Variants in FASLG observed in about 807,000 individuals in gnomAD.
FASLG encodes tumor necrosis factor ligand superfamily member 6.
A neutral mutation model predicts 24.6 loss-of-function variants in FASLG; 9 were observed. The ratio of observed to expected loss-of-function variants is 0.37; its 90% CI spans 0.22 to 0.64. The LOEUF (loss-of-function observed/expected upper bound fraction) is 0.64. Ranked by LOEUF, FASLG falls within the 30% of genes least tolerant of loss-of-function variation. The pLI, the probability that FASLG is intolerant of heterozygous loss-of-function variation, is 0.64. For missense variants in FASLG, 306 were observed against 345.3 expected (o/e 0.89, Z 0.90); for synonymous variants, 130 against 135.5 (o/e 0.96, Z 0.28).
rs147380045 is a variant in FASLG at position 172,659,354 on chromosome 1, G to A, written c.153G>A (p.Pro51=). ...GGAGGCCACCACCACCACCGCCACCGCCACCACTACCACCTCCGCCGCCGC... is the reference window on the plus strand; with the variant it reads ...GGAGGCCACCACCACCACCGCCACCACCACCACTACCACCTCCGCCGCCGC... ...GQRRPPPPPP[P]PPLPPPPPPP... Residue 51 remains proline, a synonymous_variant, in exon 1 of 4, where the codon CCG becomes CCA. Transcript: ENST00000367721. The A allele has an allele frequency of 1.3e-4, 207 of 1,610,636 alleles. 1 individual carries two copies. Among genetic ancestry groups the A allele is most frequent in the Non-Finnish European group, 1.6e-4 (188 of 1,178,506 alleles).
chr1:172,659,249 C>G lies in FASLG; in HGVS notation c.48C>G (p.Asp16Glu). Residue 16 changes from aspartate (D) to glutamate (E), a missense_variant, in exon 1 of 4, where the codon GAC (aspartate) becomes GAG (glutamate). Asp to Glu is a conservative substitution (Grantham distance 45). Coordinates refer to ENST00000367721, the MANE Select transcript of FASLG (RefSeq NM_000639.3). Reference sequence around the variant, plus strand: ...CATATCCCCAGATCTACTGGGTGGACAGCAGTGCCAGCTCTCCCTGGGCCC... The same window carrying G: ...CATATCCCCAGATCTACTGGGTGGAGAGCAGTGCCAGCTCTCCCTGGGCCC... ...NYPYPQIYWV[D>E]SSASSPWAPP... 2 of 1,614,184 alleles carry G rather than the reference C, an allele frequency of 1.2e-6. No homozygotes were observed. Among genetic ancestry groups the G allele is most frequent in the South Asian group, 1.1e-5 (1 of 91,070 alleles).
intron 2 of FASLG, among the ~76,000 whole-genome samples, chr1:172,661,767 T>TA (rs978968396): frequency 2.5e-4 from 38 of 151,326 alleles, no homozygotes; most frequent in South Asian, 1.7e-3. Flanking sequence ...TAATAAAGAT[T>TA]AAAAAAAAAC....
chr1:172,664,805 G>A (rs1659222907), intron 3 of FASLG, among the ~76,000 whole-genome samples: 2 of 152,230 alleles, frequency 1.3e-5, no homozygotes, highest in Non-Finnish European at 1.5e-5. Context: ...ATAGGAGTGA[G>A]AAGGGAGACT....
In FASLG at chr1:172,666,016, A is replaced by C; in HGVS notation, c.846A>C (p.Ter282TyrextTer23). 6.2e-7 allele frequency: 1 copy of C among 1,614,130 alleles called. No homozygotes were observed. Among genetic ancestry groups the C allele is most frequent in the Non-Finnish European group, 8.5e-7 (1 of 1,180,034 alleles). ...SQTFFGLYKL[*>Y] is the part of the protein sequence containing the mutation. Reference sequence around the variant, plus strand: ...CGTTTTTCGGCTTATATAAGCTCTAAGAGAAGCACTTTGGGATTCTTTCCA... The same window carrying C: ...CGTTTTTCGGCTTATATAAGCTCTACGAGAAGCACTTTGGGATTCTTTCCA... The change falls in exon 4 of 4, where the codon TAA (stop) becomes TAC (tyrosine). Residue 282 changes from the stop codon to tyrosine, a stop_lost. Coordinates refer to ENST00000367721, the MANE Select transcript of FASLG (RefSeq NM_000639.3).
At chr1:172,661,902 A>G (rs963838950) in intron 2 of FASLG, among the ~76,000 whole-genome samples, 2 of 152,186 alleles carry the variant, frequency 1.3e-5, no homozygotes, top group Non-Finnish European at 2.9e-5. Flanking sequence ...GCTTGTAACT[A>G]GTAGTTTACG....
At chr1:172,665,545 A>T (rs1659239502) in intron 3 of FASLG, 77 bp from the exon 4 acceptor site, 1 of 1,549,412 alleles carries the variant, frequency 6.5e-7, no homozygotes. Flanking sequence ...GGAAGGGCCC[A>T]CAGTTTTGCC....
intron 2 of FASLG, among the ~76,000 whole-genome samples, chr1:172,663,593 T>C (rs1035004780): frequency 3.3e-5 from 5 of 152,046 alleles, no homozygotes; most frequent in Non-Finnish European, 7.4e-5. Flanking sequence ...GCCACAGAAC[T>C]CCCGTTGTGT....
rs372615226 is a variant in FASLG, at chr1:172,660,106, G to C, written c.360G>C (p.Gln120His). 3.9e-5 allele frequency: 63 copies of C among 1,614,136 alleles called. No individual in the cohort carries two copies. The African/African-American group carries it at 7.2e-4, about 18-fold the overall frequency. The stretch of plus-strand genomic sequence containing the variant: ...TTCTGTTTTACTAGTCTACCAGCCA[G>C]ATGCACACAGCATCATCTTTGGAGA... The part of the protein sequence containing the change: ...ELAELRESTS[Q>H]MHTASSLEKQ... The change falls in exon 2 of 4, where the codon CAG (glutamine) becomes CAC (histidine). Residue 120 changes from glutamine to histidine, a missense_variant. Transcript: ENST00000367721.
At chr1:172,663,854 T>C (rs557362867) in intron 2 of FASLG, among the ~76,000 whole-genome samples, 36 of 152,212 alleles carry the variant, frequency 2.4e-4, no homozygotes, top group Non-Finnish European at 3.5e-4. Context: ...TGTAAGTCTT[T>C]GGAACAAGAG....
intron 2 of FASLG, 44 bp downstream of exon 2, chr1:172,660,184 C>A (rs1659107895): frequency 6.3e-7 from 1 of 1,579,140 alleles, no homozygotes; most frequent in Non-Finnish European, 8.7e-7. Flanking sequence ...AAAGATGATC[C>A]TCAGCACAGA....
chr1:172,661,059 G>A (rs1203932739), intron 2 of FASLG, among the ~76,000 whole-genome samples: 1 of 152,172 alleles, frequency 6.6e-6, no homozygotes, highest in East Asian at 1.9e-4. Flanking sequence ...TATGCCATTG[G>A]GGCTAGAAGG....
intron 3 of FASLG, 98 bp downstream of exon 3, chr1:172,664,488 C>A: frequency 8.6e-7 from 1 of 1,165,576 alleles, no homozygotes; most frequent in Non-Finnish European, 1.3e-6. Flanking sequence ...AGAGTTGTTA[C>A]TTCCTGGAGA....
Position 172,666,684 on chromosome 1 carries a change from A to T in FASLG, c.*668A>T, listed in dbSNP as rs917695697. ...AGAGAATGTAGATATTGTGAAGTAC[A>T]TATTAGGAAAATATGGGTTGCATTT... On this transcript the variant is annotated 3_prime_UTR_variant, in exon 4 of 4. Coordinates refer to ENST00000367721, the MANE Select transcript of FASLG (RefSeq NM_000639.3). 3 of 152,726 alleles carry T rather than the reference A, an allele frequency of 2.0e-5. No individual in the cohort carries two copies. Among genetic ancestry groups the T allele is most frequent in the African/African-American group, 7.2e-5 (3 of 41,390 alleles). The allele number at this position is 152,726 out of a possible 1,614,324, so 9.5% of individuals were successfully genotyped here.
At chr1:172,664,259 T>C (rs767244050) in intron 2 of FASLG, 75 bp from the exon 3 acceptor site, 9 of 1,488,010 alleles carry the variant, frequency 6.0e-6, no homozygotes, top group Non-Finnish European at 8.4e-6. Flanking sequence ...TTTAAAATGA[T>C]TGGATTTAAA....
Position 172,666,647 on chromosome 1 carries a change from GTA to G in FASLG, c.*633_*634del. 1 of 152,330 alleles carries G rather than the reference GTA, an allele frequency of 6.6e-6. No homozygotes were observed. Among genetic ancestry groups the G allele is most frequent in the Non-Finnish European group, 1.5e-5 (1 of 68,498 alleles). The allele number at this position is 152,330 out of a possible 1,614,324, so 9.4% of individuals were successfully genotyped here. ...TGTGTGTGTGTGTGTGTGTGTGTGT[GTA>G]TGACTAAAGAGAGAATGTAGATATT... On this transcript the variant is annotated 3_prime_UTR_variant, in exon 4 of 4. Coordinates refer to ENST00000367721, the MANE Select transcript of FASLG (RefSeq NM_000639.3).
rs1659249335 is a variant in FASLG, at chr1:172,665,817, C to T, written c.647C>T (p.Ser216Phe). The stretch of plus-strand genomic sequence containing the variant: ...AGCCACAAGGTCTACATGAGGAACT[C>T]TAAGTATCCCCAGGATCTGGTGATG... ...PLSHKVYMRN[S>F]KYPQDLVMME... The change falls in exon 4 of 4, where the codon TCT (serine) becomes TTT (phenylalanine). Residue 216 changes from serine to phenylalanine, a missense_variant. Ser to Phe is a radical substitution (Grantham distance 155, BLOSUM62 -2). Coordinates refer to ENST00000367721, the MANE Select transcript of FASLG (RefSeq NM_000639.3). 6.2e-7 allele frequency: 1 copy of T among 1,614,004 alleles called. No individual in the cohort carries two copies. Among genetic ancestry groups the T allele is most frequent in the Non-Finnish European group, 8.5e-7 (1 of 1,180,018 alleles).
At chr1:172,660,754 A>AAAT (rs1359547674) in intron 2 of FASLG, among the ~76,000 whole-genome samples, 1 of 152,170 alleles carries the variant, frequency 6.6e-6, no homozygotes, top group Admixed American at 6.5e-5. Flanking sequence ...GTCATGAGGT[A>AAAT]CCCTTGATCA....
Position 172,660,128 on chromosome 1 carries a change from G to A in FASLG, c.382G>A (p.Glu128Lys). 2 of 1,614,062 alleles carry A rather than the reference G, an allele frequency of 1.2e-6. No individual in the cohort carries two copies. Among genetic ancestry groups the A allele is most frequent in the Non-Finnish European group, 1.7e-6 (2 of 1,179,974 alleles). Residue 128 changes from glutamate (E) to lysine (K), a missense_variant, in exon 2 of 4, where the codon GAG (glutamate) becomes AAG (lysine). Glu to Lys is a moderately conservative substitution (Grantham distance 56). Transcript: ENST00000367721. Reference protein sequence around the residue: ...TSQMHTASSLEKQIGHPSPPP... With the variant: ...TSQMHTASSLKKQIGHPSPPP... ...CCAGATGCACACAGCATCATCTTTG[G>A]AGAAGCAAATAGGTGAGTCTTTTTT...
chr1:172,665,267 TC>T (rs1659234016), intron 3 of FASLG, among the ~76,000 whole-genome samples: 1 of 152,224 alleles, frequency 6.6e-6, no homozygotes, highest in African/African-American at 2.4e-5. Context: ...ACTTTAGAGT[TC>T]CTTGGATTTG....
Sources: gnomAD v4.1 joint callset for allele counts (sites outside exome capture counted in the v4.1 genomes callset) on GRCh38, gnomAD v4.1.1 for gene constraint, MANE v1.5 for transcripts, NCBI Gene and HGNC (gene_info 2026-07-23, HGNC 2026-07-21) for gene names.